Variants in SUN5 observed in about 807,000 individuals in gnomAD.
SUN5 encodes Sad1 and UNC84 domain containing 5.
SUN5 carries 44 observed loss-of-function variants against 53.7 expected under a neutral mutation model. That is an observed-to-expected ratio of 0.82 (90% confidence interval 0.64 to 1.05). SUN5 has a LOEUF of 1.05. SUN5 is among the 50% of genes least tolerant of loss of function. The pLI is 0.00. For synonymous variants in SUN5, 166 were observed against 179.8 expected, an observed-to-expected ratio of 0.92 and a Z score of 0.62; for missense variants, 433 against 483.8, an observed-to-expected ratio of 0.90 and a Z score of 0.98.
Position 32,987,678 on chromosome 20 carries a change from G to C in SUN5, c.711C>G (p.Pro237=). The change falls in exon 10 of 13, where the codon CCC becomes CCG. Residue 237 remains proline, a synonymous_variant. Transcript: ENST00000356173. ...CCCCTGCCTCAAGGATCACGTCTGG[G>C]GGCTGTGCGTAGTTCCACAGCTGGA... ...NWIQLWNYAQ[P]PDVILEPNVT... 1.2e-6 allele frequency: 2 copies of C among 1,611,490 alleles called. No individual in the cohort carries two copies. Among genetic ancestry groups the C allele is most frequent in the Non-Finnish European group, 1.7e-6 (2 of 1,179,020 alleles).
At chr20:32,995,101 A>G (rs1989810147) in intron 8 of SUN5, among the ~76,000 whole-genome samples, 1 of 152,200 alleles carries the variant, frequency 6.6e-6, no homozygotes, top group African/African-American at 2.4e-5. Context: ...AGGAAAGGAG[A>G]CAGATAATGG....
intron 10 of SUN5, among the ~76,000 whole-genome samples, chr20:32,986,547 G>C (rs999973327): frequency 2.0e-5 from 3 of 152,210 alleles, no homozygotes; most frequent in Non-Finnish European, 4.4e-5. Context: ...GGTGCAGGGG[G>C]CTGTGGGTGT....
intron 5 of SUN5, 178 bp downstream of exon 5, chr20:32,999,896 T>G: frequency 6.5e-7 from 1 of 1,545,354 alleles, no homozygotes; most frequent in Non-Finnish European, 8.7e-7. Flanking sequence ...AAGCATTTCT[T>G]GGCTTCTACA....
chr20:33,002,539 C>A, intron 3 of SUN5, 48 bp downstream of exon 3: 1 of 1,596,480 alleles, frequency 6.3e-7, no homozygotes, highest in Non-Finnish European at 8.6e-7. Context: ...TGGACCCTCT[C>A]CCCAGACCCA....
intron 11 of SUN5, 99 bp from the exon 12 acceptor site, chr20:32,985,284 G>T: frequency 1.9e-6 from 2 of 1,066,898 alleles, no homozygotes; most frequent in South Asian, 2.8e-5. Flanking sequence ...CCCAGGATGG[G>T]AGCTCACTAC....
chr20:32,989,083 G>A lies in SUN5; in HGVS notation c.613+537C>T, dbSNP rs540457984. On this transcript the variant is annotated intron_variant, in intron 9 of 12. Transcript: ENST00000356173. ...TGGGACTACAGGCGCCCACCACCAC[G>A]CTCAGCTAATTTTTTGTATTTTTAG... 4.0e-3 allele frequency among the ~76,000 whole-genome samples: 603 copies of A among 152,026 alleles called. 6 individuals are homozygous for A. The highest frequency in any genetic ancestry group is 0.014 in the African/African-American group (566 of 41,456).
intron 9 of SUN5, among the ~76,000 whole-genome samples, chr20:32,988,746 G>A (rs8115400): frequency 1.3e-5 from 2 of 151,166 alleles, no homozygotes; most frequent in African/African-American, 4.9e-5. Context: ...CCACAACCAC[G>A]CCCAGCTAAC....
chr20:32,992,856 G>C (rs1358992294), intron 8 of SUN5, among the ~76,000 whole-genome samples: 1 of 152,212 alleles, frequency 6.6e-6, no homozygotes, highest in Admixed American at 6.5e-5. Flanking sequence ...GCCATAGTGA[G>C]ATACCACTTC....
chr20:32,999,178 C>T (rs780935812), intron 5 of SUN5, among the ~76,000 whole-genome samples: 4 of 152,182 alleles, frequency 2.6e-5, no homozygotes, highest in Non-Finnish European at 4.4e-5. Context: ...AACTAAAAAT[C>T]GGGTTCAGCA....
chr20:32,999,732 G>A (rs1276840192), intron 5 of SUN5: 3 of 567,500 alleles, frequency 5.3e-6, no homozygotes, highest in Non-Finnish European at 9.2e-6. Flanking sequence ...TCCAAAGCCA[G>A]TATATGTCAG....
At chr20:32,985,229 G>A (rs1989504778) in intron 11 of SUN5, 44 bp from the exon 12 acceptor site, 1 of 1,582,490 alleles carries the variant, frequency 6.3e-7, no homozygotes. Flanking sequence ...TACAAGCAGG[G>A]CCCTCAGAGG....
chr20:33,003,796 C>T (rs1326618269), intron 1 of SUN5, among the ~76,000 whole-genome samples: 1 of 152,150 alleles, frequency 6.6e-6, no homozygotes, highest in Admixed American at 6.5e-5. Flanking sequence ...TTTCTTTTCT[C>T]ACCCTTGGGG....
At chr20:32,989,792 G>A (rs1236605996) in intron 8 of SUN5, 94 bp from the exon 9 acceptor site, 8 of 1,051,014 alleles carry the variant, frequency 7.6e-6, no homozygotes, top group Admixed American at 3.8e-5. Flanking sequence ...GCTGCAGGAC[G>A]CTGTCCTCTC....
rs1015312638 is a variant in SUN5 at position 33,002,332 on chromosome 20, G to T, written c.211+255C>A. Among the ~76,000 whole-genome samples the T allele has an allele frequency of 3.3e-5, 5 of 152,266 alleles. No individual in the cohort carries two copies. The East Asian group carries it at 5.8e-4, about 18-fold the overall frequency. On this transcript the variant is annotated intron_variant, in intron 3 of 12. Transcript: ENST00000356173. ...GATGGGTGAAACCAGCAGCCAGACT[G>T]GTGGTAGAGGAGGGTTGGCAGTTAA... is the stretch of plus-strand genomic sequence containing the variant.
chr20:32,989,776 CA>C (rs981581739), intron 8 of SUN5, 78 bp from the exon 9 acceptor site: 11 of 1,239,508 alleles, frequency 8.9e-6, no homozygotes, highest in South Asian at 1.2e-5. Flanking sequence ...CGGGAGGTAA[CA>C]GGGGGCTGCA....
At chr20:32,985,403 A>AT (rs1466477243) in intron 11 of SUN5, among the ~76,000 whole-genome samples, 1 of 151,900 alleles carries the variant, frequency 6.6e-6, no homozygotes, top group African/African-American at 2.4e-5. Context: ...GACTTGTAGG[A>AT]TTAGGGTGTT....
intron 5 of SUN5, among the ~76,000 whole-genome samples, chr20:32,998,943 G>T (rs1452244350): frequency 1.3e-5 from 2 of 152,170 alleles, no homozygotes; most frequent in South Asian, 2.1e-4. Flanking sequence ...GCTGATGTGG[G>T]AGGATCACTT....
intron 5 of SUN5, among the ~76,000 whole-genome samples, chr20:32,999,485 C>T (rs552165131): frequency 9.2e-5 from 14 of 151,962 alleles, no homozygotes; most frequent in African/African-American, 2.2e-4. Flanking sequence ...CCCAGCTACT[C>T]GGGAGACTGA....
chr20:32,995,550 G>A lies in SUN5; in HGVS notation c.534+69C>T, dbSNP rs996282735. The stretch of plus-strand genomic sequence containing the variant: ...GAGATAAAACCAAGAAAGAACACTT[G>A]AGGTATAGGAAACAGGACATCAAAC... On this transcript the variant is annotated intron_variant, in intron 8 of 12. Transcript: ENST00000356173. 9 of 1,335,788 alleles carry A rather than the reference G, an allele frequency of 6.7e-6. No individual in the cohort carries two copies. In the Admixed American group the frequency reaches 1.6e-4, roughly 24 times the overall value. The allele number at this position is 1,335,788 out of a possible 1,614,324, so 82.7% of individuals were successfully genotyped here.
Sources: allele counts gnomAD v4.1 joint callset (sites outside exome capture counted in the v4.1 genomes callset), GRCh38; gene constraint gnomAD v4.1.1; transcripts MANE v1.5; gene names NCBI Gene and HGNC (gene_info 2026-07-23, HGNC 2026-07-21).